The following PNPT1 variants were observed in gnomAD, a reference collection of about 807,000 sequenced individuals.
The protein encoded by PNPT1 is polyribonucleotide nucleotidyltransferase 1, mitochondrial.
PNPT1 carries 53 observed loss-of-function variants against 119.5 expected under a neutral mutation model. The ratio of observed to expected loss-of-function variants is 0.44; its 90% CI spans 0.36 to 0.56. The LOEUF is 0.56. Ranked by LOEUF, PNPT1 falls within the 20% of genes least tolerant of loss-of-function variation. The pLI, the probability that PNPT1 is intolerant of heterozygous loss-of-function variation, is 0.00. For missense variants in PNPT1, 948 were observed against 938.5 expected, an observed-to-expected ratio of 1.01 and a Z score of -0.13; for synonymous variants, 357 against 322.1, an observed-to-expected ratio of 1.11 and a Z score of -1.16.
chr2:55,685,849 T>C (rs1032466413), intron 3 of PNPT1, among the ~76,000 whole-genome samples: 6 of 152,246 alleles, frequency 3.9e-5, no homozygotes, highest in Non-Finnish European at 7.3e-5. Flanking sequence ...TCCTCTCATA[T>C]ACTTTAAATC....
chr2:55,689,081 A>C (rs1398779155), intron 1 of PNPT1, among the ~76,000 whole-genome samples: 1 of 152,244 alleles, frequency 6.6e-6, no homozygotes, highest in East Asian at 1.9e-4. Context: ...CATAAATGAC[A>C]AAAGAAAAAA....
chr2:55,669,809 G>A (rs1696850330), intron 11 of PNPT1, among the ~76,000 whole-genome samples: 1 of 149,692 alleles, frequency 6.7e-6, no homozygotes, highest in Admixed American at 6.7e-5. Flanking sequence ...TGCCCAGGCT[G>A]GAGTGCAGTG....
intron 21 of PNPT1, 128 bp from the exon 22 acceptor site, chr2:55,645,560 T>TTTCCACA: frequency 1.7e-6 from 1 of 575,636 alleles, no homozygotes; most frequent in East Asian, 3.0e-5. Flanking sequence ...CACATCCCTA[T>TTTCCACA]TACCTTGAAA....
rs570495683 is a variant in PNPT1, at chr2:55,656,270, A to G, written c.1351+35T>C. On this transcript the variant is annotated intron_variant, in intron 16 of 27. Coordinates refer to ENST00000447944, the MANE Select transcript of PNPT1 (RefSeq NM_033109.5). Reference sequence around the variant, plus strand: ...GTAAAAAATGTATTAAGTCTCTGTAAGAATACCGTATTAAGTTTACAGACC... The same window carrying G: ...GTAAAAAATGTATTAAGTCTCTGTAGGAATACCGTATTAAGTTTACAGACC... The G allele has an allele frequency of 9.3e-6, 15 of 1,611,788 alleles. No homozygotes were observed. In the East Asian group the frequency reaches 2.2e-4, roughly 24 times the overall value.
At chr2:55,663,866 C>A (rs918911592) in intron 13 of PNPT1, among the ~76,000 whole-genome samples, 1 of 151,944 alleles carries the variant, frequency 6.6e-6, no homozygotes, top group Non-Finnish European at 1.5e-5. Context: ...GCCTATAGTC[C>A]CAGCTACTTG....
At position 55,646,329 on chromosome 2, in the gene PNPT1, T is replaced by C. The variant is rs1056958127; in HGVS notation, c.1675-7A>G. The C allele has an allele frequency of 6.2e-7, 1 of 1,609,932 alleles. No homozygotes were observed. Among genetic ancestry groups the C allele is most frequent in the Non-Finnish European group, 8.5e-7 (1 of 1,177,518 alleles). On this transcript the variant is annotated splice_polypyrimidine_tract_variant and splice_region_variant and intron_variant, in intron 20 of 27. Transcript: ENST00000447944. The stretch of plus-strand genomic sequence containing the variant: ...CAGGTAATTTAATATCAGCCTAATA[T>C]GGAAAAGTCAAACAATTATATAAAT...
At chr2:55,651,063 G>T (rs1438277285) in intron 18 of PNPT1, among the ~76,000 whole-genome samples, 2 of 147,574 alleles carry the variant, frequency 1.4e-5, no homozygotes, top group Non-Finnish European at 3.0e-5. Flanking sequence ...CCCCGTCCAG[G>T]AGGGAGGTGG....
intron 8 of PNPT1, among the ~76,000 whole-genome samples, chr2:55,675,340 TGCTATG>T (rs1697031533): frequency 6.6e-6 from 1 of 151,182 alleles, no homozygotes; most frequent in Non-Finnish European, 1.5e-5. Context: ...GTAATTCCAG[TGCTATG>T]GGAGGCCAGG....
chr2:55,657,689 G>A (rs1406506188), intron 15 of PNPT1, among the ~76,000 whole-genome samples: 1 of 151,522 alleles, frequency 6.6e-6, no homozygotes, highest in Non-Finnish European at 1.5e-5. Flanking sequence ...CTTAAATGCA[G>A]TGGATGGAGC....
chr2:55,687,467 G>A (rs1697448613), intron 2 of PNPT1, among the ~76,000 whole-genome samples, 178 bp downstream of exon 2: 1 of 151,898 alleles, frequency 6.6e-6, no homozygotes, highest in Non-Finnish European at 1.5e-5. Flanking sequence ...CTTAATACAT[G>A]CAGTGCTCTG....
intron 2 of PNPT1, 21 bp from the exon 3 acceptor site, chr2:55,686,465 C>A (rs371022676): frequency 6.3e-7 from 1 of 1,594,100 alleles, no homozygotes; most frequent in East Asian, 2.2e-5. Flanking sequence ...AAGAACAACG[C>A]TGGTAAGTTC....
chr2:55,650,062 TAGG>T (rs917477064), intron 18 of PNPT1, among the ~76,000 whole-genome samples: 1 of 150,822 alleles, frequency 6.6e-6, no homozygotes, highest in Non-Finnish European at 1.5e-5. Flanking sequence ...CCACTTCAAA[TAGG>T]AGATTTTATG....
intron 1 of PNPT1, among the ~76,000 whole-genome samples, chr2:55,691,182 C>A (rs539674315): frequency 3.3e-5 from 5 of 152,230 alleles, no homozygotes; most frequent in Middle Eastern, 3.2e-3. Context: ...AACGGGGCTA[C>A]TGCCTTAGCA....
At chr2:55,668,302 T>C (rs150341353) in intron 11 of PNPT1, among the ~76,000 whole-genome samples, 1 of 152,356 alleles carries the variant, frequency 6.6e-6, no homozygotes, top group African/African-American at 2.4e-5. Flanking sequence ...AACGCCGCAA[T>C]CTTGGCTCAC....
chr2:55,676,061 G>A (rs1450436197), intron 8 of PNPT1, among the ~76,000 whole-genome samples: 1 of 151,980 alleles, frequency 6.6e-6, no homozygotes, highest in Non-Finnish European at 1.5e-5. Flanking sequence ...AGGAGTTTGA[G>A]ACCAGCCTGG....
intron 6 of PNPT1, 27 bp downstream of exon 6, chr2:55,680,828 A>T: frequency 6.2e-7 from 1 of 1,612,114 alleles, no homozygotes; most frequent in Non-Finnish European, 8.5e-7. Context: ...TTAATCTGAT[A>T]ATTTTAATCT....
intron 5 of PNPT1, among the ~76,000 whole-genome samples, chr2:55,683,319 A>C (rs914166434): frequency 3.9e-5 from 6 of 152,190 alleles, no homozygotes; most frequent in African/African-American, 1.4e-4. Context: ...AGCTTTTTAA[A>C]AGCACTATCT....
chr2:55,691,864 ATATATATATATATATTTTTTT>A lies in PNPT1; in HGVS notation c.161+1778_161+1798del, dbSNP rs1394631989. Among the ~76,000 whole-genome samples, 157 of 37,206 alleles carry A rather than the reference ATATATATATATATATTTTTTT, an allele frequency of 4.2e-3. 2 individuals carry two copies. The highest frequency in any genetic ancestry group is 7.4e-3 in the South Asian group (7 of 942). The allele number at this position is 37,206 out of a possible 152,430, so 24.4% of individuals were successfully genotyped here. On this transcript the variant is annotated intron_variant, in intron 1 of 27. Coordinates refer to ENST00000447944, the MANE Select transcript of PNPT1 (RefSeq NM_033109.5). ...TAAAAATGTTTATATATATATATAT[ATATATATATATATATTTTTTT>A]TTTTTTTTTTTTTTTTTGAGACAAA...
intron 12 of PNPT1, 141 bp from the exon 13 acceptor site, chr2:55,667,234 G>A (rs973782600): frequency 1.6e-6 from 1 of 624,696 alleles, no homozygotes; most frequent in African/African-American, 1.9e-5. Flanking sequence ...AGATACTTGA[G>A]CACTATCCTG....
Sources: gnomAD v4.1 joint callset for allele counts (sites outside exome capture counted in the v4.1 genomes callset) on GRCh38, gnomAD v4.1.1 for gene constraint, MANE v1.5 for transcripts, NCBI Gene and HGNC (gene_info 2026-07-23, HGNC 2026-07-21) for gene names.